IQCJ: variants seen among roughly 807,000 people sequenced by gnomAD.
The protein encoded by IQCJ is IQ motif containing J.
IQCJ carries 9 observed loss-of-function variants against 11.0 expected under a neutral mutation model. The ratio of observed to expected loss-of-function variants is 0.82; its 90% CI spans 0.49 to 1.43. The LOEUF (loss-of-function observed/expected upper bound fraction) is 1.43. IQCJ is among the 40% of genes most tolerant of loss of function. The pLI is 0.00. For missense variants in IQCJ, 146 were observed against 133.2 expected, an observed-to-expected ratio of 1.10 and a Z score of -0.47; for synonymous variants, 55 against 51.3, an observed-to-expected ratio of 1.07 and a Z score of -0.31.
chr3:159,145,251 G>C (rs1720860692), intron 1 of IQCJ, among the ~76,000 whole-genome samples: 1 of 152,320 alleles, frequency 6.6e-6, no homozygotes, highest in Admixed American at 6.5e-5. Flanking sequence ...GGAGAGAAAA[G>C]AGTGTGTTGA....
At chr3:159,140,221 C>A (rs1577034897) in intron 1 of IQCJ, among the ~76,000 whole-genome samples, 1 of 152,314 alleles carries the variant, frequency 6.6e-6, no homozygotes, top group South Asian at 2.1e-4. Flanking sequence ...TGTGTTTTGA[C>A]AAACGTATAA....
intron 1 of IQCJ, among the ~76,000 whole-genome samples, chr3:159,171,058 A>C (rs141206760): frequency 6.6e-6 from 1 of 152,044 alleles, no homozygotes; most frequent in South Asian, 2.1e-4. Context: ...AATTGCATGG[A>C]CTAAAACATC....
intron 2 of IQCJ, among the ~76,000 whole-genome samples, chr3:159,250,674 C>T (rs1295191685): frequency 6.6e-6 from 1 of 152,152 alleles, no homozygotes; most frequent in East Asian, 1.9e-4. Context: ...TGAGAACTCA[C>T]TATCATGAGA....
intron 3 of IQCJ, among the ~76,000 whole-genome samples, chr3:159,253,959 G>C (rs73031435): frequency 0.019 from 2,951 of 152,280 alleles, 95 homozygotes; most frequent in African/African-American, 0.067. Context: ...AGCATAGAAG[G>C]CTACCCCTCA....
At chr3:159,222,982 A>C (rs1361143940) in intron 1 of IQCJ, among the ~76,000 whole-genome samples, 2 of 152,120 alleles carry the variant, frequency 1.3e-5, no homozygotes, top group Admixed American at 6.6e-5. Context: ...TAGGGGGAAA[A>C]GTTAGATTAT....
At chr3:159,145,524 G>GTT (rs1720876215) in intron 1 of IQCJ, among the ~76,000 whole-genome samples, 3 of 150,466 alleles carry the variant, frequency 2.0e-5, no homozygotes, top group Non-Finnish European at 4.4e-5. Flanking sequence ...GTAAAAAAAT[G>GTT]TTTGTGACCA....
intron 1 of IQCJ, among the ~76,000 whole-genome samples, chr3:159,129,606 A>T (rs1416239766): frequency 2.6e-5 from 4 of 152,162 alleles, no homozygotes; most frequent in Admixed American, 2.0e-4. Flanking sequence ...TTCAGGGGAG[A>T]GGAATGAGAA....
At chr3:159,235,016 C>A (rs978514142) in intron 1 of IQCJ, among the ~76,000 whole-genome samples, 24 of 152,132 alleles carry the variant, frequency 1.6e-4, no homozygotes, top group Admixed American at 3.3e-4. Flanking sequence ...TGCTTTGGTG[C>A]AAGAAACCCA....
At chr3:159,164,968 C>T (rs926492275) in intron 1 of IQCJ, among the ~76,000 whole-genome samples, 4 of 152,198 alleles carry the variant, frequency 2.6e-5, no homozygotes, top group Non-Finnish European at 4.4e-5. Context: ...GCTCCATCAA[C>T]CACATCTTTA....
chr3:159,081,372 G>T (rs767381603), intron 1 of IQCJ, among the ~76,000 whole-genome samples: 1 of 152,092 alleles, frequency 6.6e-6, no homozygotes, highest in East Asian at 1.9e-4. Context: ...CTTAGGCCAA[G>T]ATTCACCTGA....
chr3:159,259,194 C>T (rs185446313), intron 3 of IQCJ, among the ~76,000 whole-genome samples: 277 of 151,950 alleles, frequency 1.8e-3, no homozygotes, highest in Middle Eastern at 3.4e-3. Flanking sequence ...CAGGGATATA[C>T]AGAAAAAGGG....
intron 2 of IQCJ, among the ~76,000 whole-genome samples, chr3:159,248,388 C>T (rs957508811): frequency 8.5e-5 from 13 of 152,112 alleles, no homozygotes; most frequent in East Asian, 1.9e-4. Context: ...TGCCTGCTCT[C>T]GTTAATATGA....
chr3:159,088,581 T>G (rs1408045361), intron 1 of IQCJ, among the ~76,000 whole-genome samples: 2 of 152,198 alleles, frequency 1.3e-5, no homozygotes, highest in East Asian at 3.8e-4. Context: ...TCTAAGGACT[T>G]GCTTTGTGAA....
intron 1 of IQCJ, among the ~76,000 whole-genome samples, chr3:159,141,547 A>G (rs1163174015): frequency 1.3e-5 from 2 of 152,260 alleles, no homozygotes; most frequent in Non-Finnish European, 2.9e-5. Flanking sequence ...AGCAGCTTAC[A>G]TCATTTATAA....
chr3:159,145,044 C>G (rs550723211), intron 1 of IQCJ, among the ~76,000 whole-genome samples: 54 of 152,242 alleles, frequency 3.5e-4, no homozygotes, highest in Admixed American at 5.9e-4. Context: ...AATGAGATCA[C>G]CTCTGTTTCC....
chr3:159,193,705 AGAAT>A (rs1342427696), intron 1 of IQCJ, among the ~76,000 whole-genome samples: 2 of 152,202 alleles, frequency 1.3e-5, no homozygotes, highest in Non-Finnish European at 2.9e-5. Flanking sequence ...CCTTTCTATT[AGAAT>A]GTAATCAACT....
At chr3:159,115,106 G>A (rs1251816736) in intron 1 of IQCJ, among the ~76,000 whole-genome samples, 1 of 152,222 alleles carries the variant, frequency 6.6e-6, no homozygotes, top group African/African-American at 2.4e-5. Flanking sequence ...TCTTGAGGTA[G>A]TGTATTAGTT....
At chr3:159,161,538 G>A (rs542903038) in intron 1 of IQCJ, among the ~76,000 whole-genome samples, 64 of 152,194 alleles carry the variant, frequency 4.2e-4, no homozygotes, top group African/African-American at 1.0e-3. Context: ...AGTTTAATTC[G>A]ATCCCATTTG....
At chr3:159,195,617 G>A (rs1385563736) in intron 1 of IQCJ, among the ~76,000 whole-genome samples, 1 of 152,136 alleles carries the variant, frequency 6.6e-6, no homozygotes, top group Non-Finnish European at 1.5e-5. Context: ...ACTTGCTAGG[G>A]TAGTGAATTC....
Sources: allele counts gnomAD v4.1 joint callset (sites outside exome capture counted in the v4.1 genomes callset), GRCh38; gene constraint gnomAD v4.1.1; transcripts MANE v1.5; gene names NCBI Gene and HGNC (gene_info 2026-07-23, HGNC 2026-07-21).